Variants in LY75 observed in about 807,000 individuals in gnomAD.
The protein encoded by LY75 is lymphocyte antigen 75, also known as C-type lectin domain family 13 member B.
LY75 carries 185 observed loss-of-function variants against 231.7 expected under a neutral mutation model. The observed-to-expected ratio is 0.80, with a 90% CI of 0.71 to 0.90. The LOEUF is 0.90. Among genes scored for constraint, LY75 ranks in the 40% least tolerant of loss-of-function variants. LY75 has a pLI of 0.00. For synonymous variants in LY75, 668 were observed against 689.0 expected, an observed-to-expected ratio of 0.97 and a Z score of 0.48; for missense variants, 1,947 against 2,050.2, an observed-to-expected ratio of 0.95 and a Z score of 0.97.
At chr2:159,853,447 T>C (rs1684461055) in intron 19 of LY75, 95 bp from the exon 20 acceptor site, 6 of 1,497,128 alleles carry the variant, frequency 4.0e-6, no homozygotes. Flanking sequence ...AAATTTAATG[T>C]TAATACCATT....
At chr2:159,839,580 T>G (rs956804252) in intron 25 of LY75, among the ~76,000 whole-genome samples, 18 of 152,200 alleles carry the variant, frequency 1.2e-4, no homozygotes, top group African/African-American at 4.1e-4. Flanking sequence ...TTTTTCTTCT[T>G]AAACTAGAGA....
intron 1 of LY75, chr2:159,902,382 A>G (rs1194853553): frequency 6.6e-6 from 1 of 152,174 alleles, no homozygotes; most frequent in Non-Finnish European, 1.5e-5. Context: ...ATTGAAAATA[A>G]ATTTTTAGTA....
At chr2:159,851,497 A>G (rs888371576) in intron 21 of LY75, among the ~76,000 whole-genome samples, 1 of 152,226 alleles carries the variant, frequency 6.6e-6, no homozygotes, top group Non-Finnish European at 1.5e-5. Flanking sequence ...TAAGGATGGC[A>G]GAGCAAAACC....
intron 11 of LY75, 94 bp from the exon 12 acceptor site, chr2:159,875,737 A>C: frequency 6.8e-7 from 1 of 1,463,438 alleles, no homozygotes; most frequent in Non-Finnish European, 9.2e-7. Flanking sequence ...CAAGTTGGGG[A>C]GAGAGAATAA....
rs1684419695 is a variant in LY75 at position 159,852,229 on chromosome 2, G to C, written c.2855C>G (p.Ser952Cys). The C allele has an allele frequency of 3.7e-6, 6 of 1,613,916 alleles. No individual in the cohort carries two copies. Among genetic ancestry groups the C allele is most frequent in the Non-Finnish European group, 5.1e-6 (6 of 1,179,928 alleles). The part of the protein sequence containing the change: ...SPDSAAKVQC[S>C]EQWIPFQNKC... The stretch of plus-strand genomic sequence containing the variant: ...ATTCTGAAAAGGAATCCATTGCTCA[G>C]AACATTGCACTTTAGCTGCAGAATC... The change falls in exon 21 of 35, where the codon TCT (serine) becomes TGT (cysteine). Residue 952 changes from serine to cysteine, a missense_variant. Ser to Cys is a moderately radical substitution (Grantham distance 112). Transcript: ENST00000263636.
At position 159,858,444 on chromosome 2, in the gene LY75, A is replaced by G; in HGVS notation, c.2301T>C (p.His767=). ...AAATAAATTCTCTATCATCATAGAA[A>G]TGCCAGCCTCTTCGCCATGGCCTAT... is the stretch of plus-strand genomic sequence containing the variant. ...VFHRPWRRGW[H]FYDDREFIYL... is the part of the protein sequence containing the mutation. Residue 767 remains histidine (H), a synonymous_variant, in exon 16 of 35, where the codon CAT becomes CAC. Coordinates refer to ENST00000263636, the MANE Select transcript of LY75 (RefSeq NM_002349.4). 2.5e-6 allele frequency: 4 copies of G among 1,613,406 alleles called. No homozygotes were observed. In the Middle Eastern group the frequency reaches 6.6e-4, roughly 266 times the overall value.
At chr2:159,860,572 C>T (rs1684673231) in intron 15 of LY75, among the ~76,000 whole-genome samples, 1 of 152,208 alleles carries the variant, frequency 6.6e-6, no homozygotes, top group African/African-American at 2.4e-5. Context: ...ATTTCATTAG[C>T]CTTCCTCAGC....
In LY75 at chr2:159,804,911, G is replaced by C. The variant is rs558646110; in HGVS notation, c.*133C>G. On this transcript the variant is annotated 3_prime_UTR_variant, in exon 35 of 35. Transcript: ENST00000263636. ...GAATTAACTGTGGATACCAGCACAT[G>C]CCTAAGATCTAAACAACTGAAAAAG... is the stretch of plus-strand genomic sequence containing the variant. The C allele has an allele frequency of 4.1e-4, 260 of 639,026 alleles. 2 individuals are homozygous for C. The South Asian group carries it at 5.1e-3, about 13-fold the overall frequency. 39.6% of individuals were successfully genotyped at this position (639,026 alleles called of 1,614,324 possible).
At chr2:159,899,142 C>T (rs1347501784) in intron 1 of LY75, 83 bp from the exon 2 acceptor site, 18 of 1,532,466 alleles carry the variant, frequency 1.2e-5, no homozygotes, top group Non-Finnish European at 1.5e-5. Context: ...CTGAGCACTA[C>T]TGGACTGTTC....
chr2:159,824,486 C>G (rs2125836350), intron 28 of LY75, among the ~76,000 whole-genome samples: 1 of 152,292 alleles, frequency 6.6e-6, no homozygotes, highest in East Asian at 1.9e-4. Flanking sequence ...TAGAGACCTA[C>G]AAAGAGACTT....
At chr2:159,900,255 T>A (rs1686034845) in intron 1 of LY75, among the ~76,000 whole-genome samples, 1 of 152,230 alleles carries the variant, frequency 6.6e-6, no homozygotes, top group South Asian at 2.1e-4. Context: ...TAATTTGGAT[T>A]TCTGAAAATA....
At chr2:159,852,567 T>C (rs1021471942) in intron 20 of LY75, among the ~76,000 whole-genome samples, 4 of 151,948 alleles carry the variant, frequency 2.6e-5, no homozygotes, top group African/African-American at 9.7e-5. Flanking sequence ...TGCAGGTGCA[T>C]GCTGCCACAC....
At chr2:159,817,414 A>C (rs1683153131) in intron 29 of LY75, among the ~76,000 whole-genome samples, 1 of 152,170 alleles carries the variant, frequency 6.6e-6, no homozygotes, top group Non-Finnish European at 1.5e-5. Flanking sequence ...AGGTGAAATT[A>C]AGACTAAAAA....
At chr2:159,852,412 GT>G (rs36091128) in intron 20 of LY75, 72 bp from the exon 21 acceptor site, 828,813 of 1,457,866 alleles carry the variant, frequency 0.57, 231,543 homozygotes, top group African/African-American at 0.72. Context: ...TGTTTTGTGT[GT>G]TTTTTTTTGT....
At chr2:159,894,112 G>C (rs199589660) in intron 2 of LY75, 28 bp from the exon 3 acceptor site, 58 of 1,569,072 alleles carry the variant, frequency 3.7e-5, no homozygotes, top group Middle Eastern at 1.7e-4. Flanking sequence ...TTGGGGAAAA[G>C]AGAGTTAAAA....
At chr2:159,904,514 C>T in intron 1 of LY75, 75 bp downstream of exon 1, 1 of 1,425,420 alleles carries the variant, frequency 7.0e-7, no homozygotes, top group Non-Finnish European at 9.2e-7. Context: ...CGCAGCCCTG[C>T]CCCAGGCTGG....
At position 159,834,188 on chromosome 2, in the gene LY75, GT is replaced by G; in HGVS notation, c.3696del (p.Lys1232AsnfsTer13). 2 of 1,613,780 alleles carry G rather than the reference GT, an allele frequency of 1.2e-6. No homozygotes were observed. Among genetic ancestry groups the G allele is most frequent in the South Asian group, 2.2e-5 (2 of 91,038 alleles). ...GATGGACATTTAACACTGTCAACTG[GT>G]TTGACCTCTTTTTCAGTCTCATCTA... is the stretch of plus-strand genomic sequence containing the variant. The part of the protein sequence containing the change: ...YSGNETEKEV[K>X]PVDSVKCPSP... On this transcript the variant is annotated frameshift_variant, in exon 27 of 35. Transcript: ENST00000263636. LOFTEE classifies it high-confidence loss of function.
intron 28 of LY75, among the ~76,000 whole-genome samples, chr2:159,824,172 A>C (rs1351790277): frequency 2.6e-5 from 4 of 152,258 alleles, no homozygotes; most frequent in African/African-American, 9.6e-5. Context: ...TAAAGAGTCA[A>C]GACCCATCAA....
chr2:159,891,617 C>G (rs1306391501), intron 3 of LY75, among the ~76,000 whole-genome samples: 2 of 152,146 alleles, frequency 1.3e-5, no homozygotes, highest in Non-Finnish European at 2.9e-5. Flanking sequence ...TGCATTAACA[C>G]CACTGTATGT....
Sources: allele counts gnomAD v4.1 joint callset (sites outside exome capture counted in the v4.1 genomes callset), GRCh38; gene constraint gnomAD v4.1.1; transcripts MANE v1.5; gene names NCBI Gene and HGNC (gene_info 2026-07-23, HGNC 2026-07-21).